Variants in TMEFF2 observed in about 807,000 individuals in gnomAD.
TMEFF2 encodes tomoregulin-2.
In TMEFF2, 28 loss-of-function variants were observed where a neutral mutation model predicts 53.8. The observed-to-expected ratio is 0.52, with a 90% CI of 0.39 to 0.71. The LOEUF is 0.71. Among genes scored for constraint, TMEFF2 ranks in the 30% least tolerant of loss-of-function variants. The probability of loss-of-function intolerance (pLI) is 0.00; values close to 1 mark genes in which losing one functional copy is unlikely to be tolerated. For missense variants in TMEFF2, 353 were observed against 455.2 expected, an observed-to-expected ratio of 0.78 and a Z score of 2.04; for synonymous variants, 162 against 166.3, an observed-to-expected ratio of 0.97 and a Z score of 0.20.
intron 5 of TMEFF2, among the ~76,000 whole-genome samples, chr2:192,049,679 C>CAAGATTTCAAAAGCAAGCA (rs1574326306): frequency 1.3e-5 from 2 of 152,006 alleles, no homozygotes; most frequent in East Asian, 3.9e-4. Context: ...TGGCCTGCAA[C>CAAGATTTCAAAAGCAAGCA]AAGATTTCAA....
chr2:192,173,071 G>C (rs1245266225), intron 4 of TMEFF2, among the ~76,000 whole-genome samples: 1 of 151,748 alleles, frequency 6.6e-6, no homozygotes, highest in East Asian at 1.9e-4. Flanking sequence ...TCTAGTGTTT[G>C]GTAGCACAAC....
chr2:192,034,981 A>C (rs1439124990), intron 5 of TMEFF2: 1 of 152,152 alleles, frequency 6.6e-6, no homozygotes, highest in African/African-American at 2.4e-5. Flanking sequence ...ATCATTTGCC[A>C]ACTTGATGTC....
chr2:192,134,119 A>T (rs1689935296), intron 4 of TMEFF2, among the ~76,000 whole-genome samples: 1 of 151,960 alleles, frequency 6.6e-6, no homozygotes, highest in South Asian at 2.1e-4. Context: ...ACTATGCTCA[A>T]CTCACTCTCT....
chr2:191,977,261 G>C (rs1685752348), intron 7 of TMEFF2, among the ~76,000 whole-genome samples: 3 of 152,212 alleles, frequency 2.0e-5, no homozygotes, highest in Admixed American at 1.3e-4. Flanking sequence ...GCAGGCTAGA[G>C]GGCATGGATT....
chr2:192,190,001 G>A (rs142788956), intron 2 of TMEFF2, among the ~76,000 whole-genome samples: 6 of 152,192 alleles, frequency 3.9e-5, no homozygotes, highest in East Asian at 3.9e-4. Flanking sequence ...ACTTGCATTC[G>A]TTTCCACTCC....
rs567511584 is a variant in TMEFF2, at chr2:192,080,520, C to T, written c.440-22745G>A. ...AAACATCTTTCCTTTATAAATTACCCAGTCTCAGGCAGTTCTTTATAGTAG... is the reference window on the plus strand; with the variant it reads ...AAACATCTTTCCTTTATAAATTACCTAGTCTCAGGCAGTTCTTTATAGTAG... On this transcript the variant is annotated intron_variant, in intron 4 of 9. Coordinates refer to ENST00000272771, the MANE Select transcript of TMEFF2 (RefSeq NM_016192.4). 1.3e-5 allele frequency among the ~76,000 whole-genome samples: 2 copies of T among 152,310 alleles called. 1 individual carries two copies. Among genetic ancestry groups the T allele is most frequent in the South Asian group, 4.1e-4 (2 of 4,824 alleles).
intron 6 of TMEFF2, 141 bp downstream of exon 6, chr2:191,998,919 A>G (rs1242119997): frequency 2.6e-5 from 21 of 799,584 alleles, no homozygotes; most frequent in Non-Finnish European, 4.1e-5. Flanking sequence ...CACAAATGCT[A>G]CAGTAGACTC....
At chr2:192,067,068 A>T (rs538686958) in intron 4 of TMEFF2, among the ~76,000 whole-genome samples, 41 of 152,032 alleles carry the variant, frequency 2.7e-4, no homozygotes, top group African/African-American at 8.9e-4. Context: ...AAGTGGAAAC[A>T]GCAAATGTAG....
intron 7 of TMEFF2, among the ~76,000 whole-genome samples, chr2:191,986,534 A>G (rs1289438282): frequency 6.7e-6 from 1 of 148,172 alleles, no homozygotes; most frequent in African/African-American, 2.5e-5. Flanking sequence ...GAAACCTCAC[A>G]TTTCTATTTT....
rs903845115 is a variant in TMEFF2, at chr2:192,155,783, C to G, written c.439+23885G>C. Among the ~76,000 whole-genome samples, 66 of 151,888 alleles carry G rather than the reference C, an allele frequency of 4.3e-4. 1 individual carries two copies. Among genetic ancestry groups the G allele is most frequent in the Admixed American group, 4.3e-3 (65 of 15,210 alleles). On this transcript the variant is annotated intron_variant, in intron 4 of 9. Coordinates refer to ENST00000272771, the MANE Select transcript of TMEFF2 (RefSeq NM_016192.4). Reference sequence around the variant, plus strand: ...CATGAAATGTCTAAATAAGCAGAGGCCTGGTTTTATTTACTTGTCAAAAAA... The same window carrying G: ...CATGAAATGTCTAAATAAGCAGAGGGCTGGTTTTATTTACTTGTCAAAAAA...
chr2:191,989,059 C>G (rs1031362090), intron 7 of TMEFF2, among the ~76,000 whole-genome samples: 2 of 152,134 alleles, frequency 1.3e-5, no homozygotes, highest in Admixed American at 1.3e-4. Flanking sequence ...TAAAAAATGC[C>G]TTTCAAAGTT....
chr2:191,972,467 T>C (rs1038472604), intron 7 of TMEFF2, among the ~76,000 whole-genome samples: 1 of 151,742 alleles, frequency 6.6e-6, no homozygotes, highest in African/African-American at 2.4e-5. Context: ...CTGACCTAGT[T>C]TAAAGATCAA....
intron 4 of TMEFF2, among the ~76,000 whole-genome samples, chr2:192,113,701 T>C (rs1414103953): frequency 6.6e-6 from 1 of 152,162 alleles, no homozygotes; most frequent in African/African-American, 2.4e-5. Context: ...AGCTTATATA[T>C]GAAAATAATA....
At chr2:192,177,474 T>C (rs1225860095) in intron 4 of TMEFF2, 1 of 151,138 alleles carries the variant, frequency 6.6e-6, no homozygotes, top group Non-Finnish European at 1.5e-5. Context: ...AGCAGTTCTG[T>C]TGAGAAAAAC....
intron 4 of TMEFF2, among the ~76,000 whole-genome samples, chr2:192,097,632 C>T (rs1345522353): frequency 6.6e-6 from 1 of 152,108 alleles, no homozygotes; most frequent in Non-Finnish European, 1.5e-5. Flanking sequence ...CCTGTTTATG[C>T]GATATAGCAG....
intron 4 of TMEFF2, among the ~76,000 whole-genome samples, chr2:192,150,745 G>A (rs969950410): frequency 2.7e-5 from 4 of 150,354 alleles, no homozygotes; most frequent in East Asian, 2.0e-4. Context: ...AACAAATGGA[G>A]GATGGGAGCC....
rs34986284 is a variant in TMEFF2, at chr2:192,037,643, AAG to A, written c.536+20034_536+20035del. 3.3e-3 allele frequency among the ~76,000 whole-genome samples: 477 copies of A among 143,268 alleles called. 2 individuals are homozygous for A. The highest frequency in any genetic ancestry group is 0.012 in the African/African-American group (436 of 37,496). 94.0% of individuals were successfully genotyped at this position (143,268 alleles called of 152,430 possible). On this transcript the variant is annotated intron_variant, in intron 5 of 9. Coordinates refer to ENST00000272771, the MANE Select transcript of TMEFF2 (RefSeq NM_016192.4). ...GAGAGAGAGGAGAGAAAGAGAGAGA[AAG>A]AGAGAGAGAGAGAGAGAGAGAGAGA...
At chr2:192,175,352 T>C (rs1415847729) in intron 4 of TMEFF2, among the ~76,000 whole-genome samples, 1 of 151,740 alleles carries the variant, frequency 6.6e-6, no homozygotes, top group South Asian at 2.1e-4. Flanking sequence ...TAAACCTTTC[T>C]TGTTCTATCC....
chr2:191,988,461 G>A (rs1204090528), intron 7 of TMEFF2, among the ~76,000 whole-genome samples: 1 of 152,156 alleles, frequency 6.6e-6, no homozygotes, highest in Non-Finnish European at 1.5e-5. Flanking sequence ...TGCAAGATTT[G>A]TAGAATAATT....
Sources: gnomAD v4.1 joint callset for allele counts (sites outside exome capture counted in the v4.1 genomes callset) on GRCh38, gnomAD v4.1.1 for gene constraint, MANE v1.5 for transcripts, NCBI Gene and HGNC (gene_info 2026-07-23, HGNC 2026-07-21) for gene names.